Variants in MAML3 observed in about 807,000 individuals in gnomAD.
The protein encoded by MAML3 is mastermind-like protein 3.
In MAML3, 27 loss-of-function variants were observed where a neutral mutation model predicts 101.9. That is an observed-to-expected ratio of 0.27 (90% CI 0.20 to 0.37). The LOEUF (loss-of-function observed/expected upper bound fraction) is 0.37. Ranked by LOEUF, MAML3 falls within the 10% of genes least tolerant of loss-of-function variation. The pLI, the probability that MAML3 is intolerant of heterozygous loss-of-function variation, is 1.00. For synonymous variants in MAML3, 501 were observed against 555.9 expected (o/e 0.90, Z 1.39); for missense variants, 1,316 against 1,444.9 (o/e 0.91, Z 1.45).
At chr4:139,794,866 G>C (rs1730484490) in intron 2 of MAML3, among the ~76,000 whole-genome samples, 2 of 152,204 alleles carry the variant, frequency 1.3e-5, no homozygotes, top group Non-Finnish European at 2.9e-5. Flanking sequence ...CTAGGGTCAG[G>C]TGCCAAGAGG....
intron 3 of MAML3, among the ~76,000 whole-genome samples, chr4:139,728,810 CG>C (rs1392552650): frequency 1.3e-5 from 2 of 152,196 alleles, no homozygotes; most frequent in African/African-American, 2.4e-5. Context: ...TCCCCAGGGT[CG>C]GGCTGGCCTC....
chr4:139,760,162 G>A (rs374021461), intron 2 of MAML3, among the ~76,000 whole-genome samples: 53 of 152,322 alleles, frequency 3.5e-4, no homozygotes, highest in Admixed American at 2.7e-3. Flanking sequence ...GTTCTCTAAC[G>A]GGGAGTGATA....
Position 140,153,259 on chromosome 4 carries a change from G to C in MAML3, c.69C>G (p.Asn23Lys), listed in dbSNP as rs569814309. ...GSSICINSSLNSSLGGAGIGV... is the reference protein window; with the variant it reads ...GSSICINSSLKSSLGGAGIGV... ...CGATCCCGGCCCCGCCGAGGCTGCT[G>C]TTCAGGCTACTGTTGATGCAAATAC... The change falls in exon 1 of 5, where the codon AAC becomes AAG. Residue 23 changes from asparagine (N) to lysine (K), a missense_variant. Transcript: ENST00000509479. The C allele has an allele frequency of 6.2e-7, 1 of 1,608,108 alleles. No homozygotes were observed. The highest frequency in any genetic ancestry group is 1.3e-5 in the African/African-American group (1 of 74,976).
chr4:139,809,824 T>C (rs1482971831), intron 2 of MAML3, among the ~76,000 whole-genome samples: 1 of 151,162 alleles, frequency 6.6e-6, no homozygotes, highest in Non-Finnish European at 1.5e-5. Context: ...GGGTGGTCAG[T>C]TGTTGGGCTG....
chr4:140,013,606 G>A (rs925716107), intron 1 of MAML3, among the ~76,000 whole-genome samples: 1 of 152,004 alleles, frequency 6.6e-6, no homozygotes, highest in African/African-American at 2.4e-5. Flanking sequence ...AATAACCTTT[G>A]ACACTATTAT....
At chr4:140,035,783 A>C (rs1337904000) in intron 1 of MAML3, among the ~76,000 whole-genome samples, 1 of 42,804 alleles carries the variant, frequency 2.3e-5, no homozygotes, top group Non-Finnish European at 5.7e-5. Flanking sequence ...ACTCCGTCTC[A>C]AAAAAAAAAA....
chr4:139,914,262 C>G (rs907314127), intron 1 of MAML3, among the ~76,000 whole-genome samples: 2 of 152,084 alleles, frequency 1.3e-5, no homozygotes, highest in Non-Finnish European at 2.9e-5. Flanking sequence ...ATAAAGGGCT[C>G]GGCAAAAATT....
rs1055816847 is a variant in MAML3 at position 140,137,290 on chromosome 4, A to G, written c.468+15570T>C. Among the ~76,000 whole-genome samples the G allele has an allele frequency of 2.0e-5, 3 of 152,222 alleles. No individual in the cohort carries two copies. The East Asian group carries it at 5.8e-4, about 29-fold the overall frequency. ...GGCGTGAGCCACCGCGCCCGGCCTA[A>G]AGAAGATTTTTTAAACTATAAACAA... is the stretch of plus-strand genomic sequence containing the variant. On this transcript the variant is annotated intron_variant, in intron 1 of 4. Coordinates refer to ENST00000509479, the MANE Select transcript of MAML3 (RefSeq NM_018717.5).
intron 1 of MAML3, among the ~76,000 whole-genome samples, chr4:140,106,115 GA>G (rs59770042): frequency 0.024 from 2,197 of 90,098 alleles, 12 homozygotes; most frequent in Middle Eastern, 0.062. Flanking sequence ...CTGACTTCAA[GA>G]AAAAAAAAAA....
Position 140,035,697 on chromosome 4 carries a change from C to T in MAML3, c.468+117163G>A, listed in dbSNP as rs190563283. Among the ~76,000 whole-genome samples, 271 of 151,688 alleles carry T rather than the reference C, an allele frequency of 1.8e-3. 2 individuals carry two copies. Among genetic ancestry groups the T allele is most frequent in the African/African-American group, 5.8e-3 (242 of 41,394 alleles). ...ACCCAGGAGGCTGAGACAGGAGAAT[C>T]GCTTGAACCCGGGAGGTGGAGGTTG... On this transcript the variant is annotated intron_variant, in intron 1 of 4. Transcript: ENST00000509479.
Position 139,719,290 on chromosome 4 carries a change from C to T in MAML3, c.*33G>A. On this transcript the variant is annotated 3_prime_UTR_variant, in exon 5 of 5. Coordinates refer to ENST00000509479, the MANE Select transcript of MAML3 (RefSeq NM_018717.5). Reference sequence around the variant, plus strand: ...TCTTTTTCACTTTTTAAGCTTTAACCACTCGAGTTGTGGATCTTGGGGCCT... The same window carrying T: ...TCTTTTTCACTTTTTAAGCTTTAACTACTCGAGTTGTGGATCTTGGGGCCT... 6.5e-7 allele frequency: 1 copy of T among 1,530,042 alleles called. No homozygotes were observed. The highest frequency in any genetic ancestry group is 8.8e-7 in the Non-Finnish European group (1 of 1,139,012). 94.8% of individuals were successfully genotyped at this position (1,530,042 alleles called of 1,614,324 possible).
intron 2 of MAML3, among the ~76,000 whole-genome samples, chr4:139,848,689 C>A (rs781588249): frequency 3.9e-5 from 6 of 152,222 alleles, no homozygotes; most frequent in Non-Finnish European, 8.8e-5. Context: ...GCACTTACGT[C>A]TTATATAAAT....
At chr4:140,075,898 C>T (rs1188116626) in intron 1 of MAML3, among the ~76,000 whole-genome samples, 4 of 152,156 alleles carry the variant, frequency 2.6e-5, no homozygotes, top group Non-Finnish European at 4.4e-5. Context: ...GTAGCTGGGA[C>T]TACAGGCATG....
At chr4:139,863,817 A>G (rs7657941) in intron 2 of MAML3, among the ~76,000 whole-genome samples, 1 of 146,316 alleles carries the variant, frequency 6.8e-6, no homozygotes, top group Non-Finnish European at 1.5e-5. Flanking sequence ...TTTCTGTGGT[A>G]ATACCAGAAC....
intron 1 of MAML3, among the ~76,000 whole-genome samples, chr4:139,958,966 T>C (rs1479730648): frequency 3.9e-5 from 6 of 152,206 alleles, no homozygotes; most frequent in Admixed American, 2.0e-4. Flanking sequence ...ACCAGTGGCA[T>C]ACTTTTGTAA....
intron 2 of MAML3, among the ~76,000 whole-genome samples, chr4:139,851,466 C>T (rs1731548814): frequency 6.6e-6 from 1 of 152,226 alleles, no homozygotes; most frequent in Non-Finnish European, 1.5e-5. Context: ...GGAAGAAAAG[C>T]AAGAGAAACA....
intron 1 of MAML3, among the ~76,000 whole-genome samples, chr4:139,897,867 AC>A (rs1288573981): frequency 6.6e-6 from 1 of 151,896 alleles, no homozygotes. Flanking sequence ...TCCCCGACTT[AC>A]CCCGCAACCC....
intron 1 of MAML3, among the ~76,000 whole-genome samples, chr4:140,060,164 G>A (rs1233082649): frequency 6.6e-6 from 1 of 151,810 alleles, no homozygotes; most frequent in East Asian, 1.9e-4. Context: ...TCAGGAGTTC[G>A]AGACAAGCCT....
intron 1 of MAML3, among the ~76,000 whole-genome samples, chr4:140,020,032 A>G (rs1402670): frequency 0.15 from 22,281 of 152,184 alleles, 1,860 homozygotes; most frequent in South Asian, 0.29. Flanking sequence ...AAGACACAGG[A>G]CATATGCCTT....
Sources: allele counts gnomAD v4.1 joint callset (sites outside exome capture counted in the v4.1 genomes callset), GRCh38; gene constraint gnomAD v4.1.1; transcripts MANE v1.5; gene names NCBI Gene and HGNC (gene_info 2026-07-23, HGNC 2026-07-21).